SEZ6L: variants seen among roughly 807,000 people sequenced by gnomAD.
SEZ6L encodes seizure 6-like protein.
Under a neutral mutation model 106.2 loss-of-function variants are expected in SEZ6L, and 37 were observed. The ratio of observed to expected loss-of-function variants is 0.35; its 90% CI spans 0.27 to 0.46. The LOEUF is 0.46. Among genes scored for constraint, SEZ6L ranks in the 20% least tolerant of loss-of-function variants. The pLI is 1.00. For missense variants in SEZ6L, 1,172 were observed against 1,332.8 expected, an observed-to-expected ratio of 0.88 and a Z score of 1.88; for synonymous variants, 541 against 570.4, an observed-to-expected ratio of 0.95 and a Z score of 0.73.
chr22:26,319,857 A>G (rs553306663), intron 9 of SEZ6L, among the ~76,000 whole-genome samples: 2 of 152,314 alleles, frequency 1.3e-5, no homozygotes, highest in East Asian at 3.9e-4. Context: ...AAGGAAGTAA[A>G]TGTAGCTTGT....
chr22:26,238,517 A>C (rs181990761), intron 1 of SEZ6L, among the ~76,000 whole-genome samples: 227 of 152,338 alleles, frequency 1.5e-3, no homozygotes, highest in Admixed American at 2.8e-3. Context: ...GTCAAATAGG[A>C]GTAAAACGCA....
chr22:26,236,221 C>A (rs965227539), intron 1 of SEZ6L, among the ~76,000 whole-genome samples: 3 of 152,194 alleles, frequency 2.0e-5, no homozygotes, highest in African/African-American at 7.2e-5. Context: ...AGTTTGAGGG[C>A]AGATGGCAGT....
intron 1 of SEZ6L, among the ~76,000 whole-genome samples, chr22:26,219,488 C>G (rs550196422): frequency 6.6e-6 from 1 of 152,018 alleles, no homozygotes; most frequent in Non-Finnish European, 1.5e-5. Context: ...ATTTTCCATA[C>G]GGACTCTTGT....
chr22:26,333,029 G>A (rs2082536387), intron 9 of SEZ6L, among the ~76,000 whole-genome samples: 1 of 152,252 alleles, frequency 6.6e-6, no homozygotes, highest in South Asian at 2.1e-4. Context: ...AAAGCTAAAT[G>A]TGGGTCCTGT....
chr22:26,250,701 C>T (rs1255597623), intron 1 of SEZ6L, among the ~76,000 whole-genome samples: 1 of 152,106 alleles, frequency 6.6e-6, no homozygotes, highest in Non-Finnish European at 1.5e-5. Context: ...TGAAGAATGT[C>T]ATTGGTATTT....
In SEZ6L at chr22:26,285,864, T is replaced by A. The variant is rs77206661; in HGVS notation, c.95-6542T>A. On this transcript the variant is annotated intron_variant, in intron 1 of 16. Coordinates refer to ENST00000248933, the MANE Select transcript of SEZ6L (RefSeq NM_021115.5). ...AACAGCCTTGTTCTTTCACTGCTGCTGATATGCTGTGTTGACTCTGGACAA... is the reference window on the plus strand; with the variant it reads ...AACAGCCTTGTTCTTTCACTGCTGCAGATATGCTGTGTTGACTCTGGACAA... 3.7e-4 allele frequency among the ~76,000 whole-genome samples: 56 copies of A among 152,364 alleles called. No individual in the cohort carries two copies. In the East Asian group the frequency reaches 0.01, roughly 28 times the overall value.
intron 1 of SEZ6L, among the ~76,000 whole-genome samples, chr22:26,260,298 T>C (rs2079958596): frequency 6.6e-6 from 1 of 152,126 alleles, no homozygotes; most frequent in Non-Finnish European, 1.5e-5. Flanking sequence ...CTCCCACTAT[T>C]TCCCCTGAGT....
intron 10 of SEZ6L, among the ~76,000 whole-genome samples, chr22:26,346,840 C>T (rs892440721): frequency 6.6e-6 from 1 of 152,046 alleles, no homozygotes; most frequent in African/African-American, 2.4e-5. Context: ...GACCTAACCT[C>T]GGAAGCCACC....
chr22:26,293,006 C>A lies in SEZ6L; in HGVS notation c.695C>A (p.Ala232Asp). 6.2e-7 allele frequency: 1 copy of A among 1,614,088 alleles called. No individual in the cohort carries two copies. Among genetic ancestry groups the A allele is most frequent in the South Asian group, 1.1e-5 (1 of 91,078 alleles). ...GEPGPDMAQE[A>D]PQEDTSPMAL... The stretch of plus-strand genomic sequence containing the variant: ...CCTGGGCCTGACATGGCCCAGGAGG[C>A]CCCCCAGGAGGACACCAGCCCCATG... Residue 232 changes from alanine (A) to aspartate (D), a missense_variant, in exon 2 of 17, where the codon GCC becomes GAC. Physicochemically the swap from Ala to Asp is moderately radical, Grantham distance 126. Transcript: ENST00000248933.
At chr22:26,283,041 C>T (rs2080822514) in intron 1 of SEZ6L, among the ~76,000 whole-genome samples, 1 of 152,152 alleles carries the variant, frequency 6.6e-6, no homozygotes, top group Non-Finnish European at 1.5e-5. Context: ...CTGCCTCAGC[C>T]TCCTGAGTAG....
chr22:26,295,137 G>C (rs924222870), intron 3 of SEZ6L, among the ~76,000 whole-genome samples: 1 of 152,152 alleles, frequency 6.6e-6, no homozygotes, highest in Non-Finnish European at 1.5e-5. Flanking sequence ...TCACCTCTCT[G>C]AGCCTCAGTT....
At chr22:26,204,562 C>A (rs1941181978) in intron 1 of SEZ6L, among the ~76,000 whole-genome samples, 1 of 152,194 alleles carries the variant, frequency 6.6e-6, no homozygotes, top group East Asian at 1.9e-4. Flanking sequence ...TAAATCCAGG[C>A]ATTCTGATGC....
intron 1 of SEZ6L, among the ~76,000 whole-genome samples, chr22:26,267,644 T>C (rs2080232503): frequency 1.3e-5 from 2 of 152,248 alleles, no homozygotes; most frequent in Non-Finnish European, 2.9e-5. Flanking sequence ...GCCTCTACCA[T>C]GAAAGTAGGC....
At chr22:26,188,640 G>A (rs1322659433) in intron 1 of SEZ6L, among the ~76,000 whole-genome samples, 3 of 152,164 alleles carry the variant, frequency 2.0e-5, no homozygotes, top group Non-Finnish European at 4.4e-5. Flanking sequence ...TAGGTATTCG[G>A]CACTCTGTAC....
At chr22:26,309,686 C>T (rs1260902384) in intron 6 of SEZ6L, among the ~76,000 whole-genome samples, 1 of 152,170 alleles carries the variant, frequency 6.6e-6, no homozygotes, top group Non-Finnish European at 1.5e-5. Context: ...TCAAGCAATT[C>T]TCCTGCCTCA....
In SEZ6L at chr22:26,306,156, A is replaced by T. The variant is rs750564448; in HGVS notation, c.1514+12A>T. The T allele has an allele frequency of 2.5e-5, 40 of 1,611,722 alleles. 1 individual carries two copies. The South Asian group carries it at 4.0e-4, about 16-fold the overall frequency. On this transcript the variant is annotated intron_variant, in intron 6 of 16. Transcript: ENST00000248933. ...CATGACAAGGACAGGTAAAGCTCTG[A>T]AGGTCCACACCCAACCCCGTTTCTT...
intron 9 of SEZ6L, among the ~76,000 whole-genome samples, chr22:26,317,389 C>A (rs1352386975): frequency 2.6e-5 from 4 of 151,618 alleles, no homozygotes; most frequent in Non-Finnish European, 4.4e-5. Context: ...AGCCCCAGGC[C>A]CCATGAAGTC....
chr22:26,377,637 G>A (rs780463405), intron 15 of SEZ6L, 36 bp from the exon 16 acceptor site: 9 of 1,504,394 alleles, frequency 6.0e-6, no homozygotes, highest in Non-Finnish European at 8.3e-6. Context: ...CTCCTAGCTG[G>A]GGAGAAGTAA....
chr22:26,318,056 CATTTTATTTTATTTT>C (rs71192913), intron 9 of SEZ6L, among the ~76,000 whole-genome samples: 10 of 146,606 alleles, frequency 6.8e-5, no homozygotes, highest in African/African-American at 1.8e-4. Flanking sequence ...ATTCAATTTC[CATTTTATTTTATTTT>C]ATTTTATTTT....
Sources: allele counts gnomAD v4.1 joint callset (sites outside exome capture counted in the v4.1 genomes callset), GRCh38; gene constraint gnomAD v4.1.1; transcripts MANE v1.5; gene names NCBI Gene and HGNC (gene_info 2026-07-23, HGNC 2026-07-21).